IL16: variants seen among roughly 807,000 people sequenced by gnomAD.
The protein encoded by IL16 is interleukin 16, also known as pro-interleukin-16.
Under a neutral mutation model 110.1 loss-of-function variants are expected in IL16, and 67 were observed. That is an observed-to-expected ratio of 0.61 (90% confidence interval 0.50 to 0.75). The LOEUF is 0.75. IL16 is among the 30% of genes least tolerant of loss of function. IL16 has a pLI of 0.00. For missense variants in IL16, 1,545 were observed against 1,655.0 expected (o/e 0.93, Z 1.15); for synonymous variants, 689 against 662.9 (o/e 1.04, Z -0.61).
At chr15:81,185,829 T>C (rs1342956077) in intron 1 of IL16, among the ~76,000 whole-genome samples, 3 of 152,086 alleles carry the variant, frequency 2.0e-5, no homozygotes, top group Admixed American at 6.6e-5. Context: ...GTGTGGGAGT[T>C]ACACTGGGGC....
chr15:81,225,751 G>T (rs780637763), intron 2 of IL16, 40 bp downstream of exon 2: 17 of 1,469,874 alleles, frequency 1.2e-5, no homozygotes, highest in Non-Finnish European at 6.4e-6. Flanking sequence ...GCCTGCAGTT[G>T]GTTTCTGGTG....
intron 1 of IL16, among the ~76,000 whole-genome samples, chr15:81,201,392 TG>T (rs940807676): frequency 2.0e-5 from 3 of 152,058 alleles, no homozygotes; most frequent in African/African-American, 7.2e-5. Flanking sequence ...GCTCTATAGC[TG>T]TTATTTTGCA....
chr15:81,280,726 G>A (rs1419345808), intron 8 of IL16, among the ~76,000 whole-genome samples: 1 of 152,190 alleles, frequency 6.6e-6, no homozygotes, highest in Non-Finnish European at 1.5e-5. Context: ...TAACTCTCCT[G>A]CTAGGTTGAA....
chr15:81,190,463 A>G (rs766966536), intron 1 of IL16, among the ~76,000 whole-genome samples: 3 of 152,202 alleles, frequency 2.0e-5, no homozygotes, highest in Non-Finnish European at 2.9e-5. Flanking sequence ...GTTGTCAGAT[A>G]ATCCTGGGTT....
At chr15:81,296,403 T>C (rs1374173518) in intron 12 of IL16, among the ~76,000 whole-genome samples, 3 of 152,222 alleles carry the variant, frequency 2.0e-5, no homozygotes, top group Non-Finnish European at 2.9e-5. Context: ...AGGGGAGCAA[T>C]GGCACAGGTG....
At chr15:81,258,798 CGCACACACAACATGT>C (rs1485413957) in intron 2 of IL16, among the ~76,000 whole-genome samples, 9 of 151,728 alleles carry the variant, frequency 5.9e-5, no homozygotes, top group Non-Finnish European at 1.2e-4. Flanking sequence ...TGTGCATATA[CGCACACACAACATGT>C]GCACACACAC....
chr15:81,230,291 T>C lies in IL16; in HGVS notation c.312+4580T>C, dbSNP rs144087164. On this transcript the variant is annotated intron_variant, in intron 2 of 18. Coordinates refer to ENST00000683961, the MANE Select transcript of IL16 (RefSeq NM_172217.5). ...ACTGGCTACTCCAGCCCCTGTCTGT[T>C]TGCAAATGGGAAGAGTATTTTTAAA... is the stretch of plus-strand genomic sequence containing the variant. Among the ~76,000 whole-genome samples the C allele has an allele frequency of 2.5e-3, 374 of 152,318 alleles. 1 individual carries two copies. Among genetic ancestry groups the C allele is most frequent in the African/African-American group, 8.3e-3 (343 of 41,570 alleles).
chr15:81,234,249 A>G (rs1255524406), intron 2 of IL16, among the ~76,000 whole-genome samples: 4 of 152,008 alleles, frequency 2.6e-5, no homozygotes, highest in Non-Finnish European at 4.4e-5. Flanking sequence ...CACTATTTAC[A>G]TTTAATATCA....
intron 1 of IL16, among the ~76,000 whole-genome samples, chr15:81,207,125 C>G (rs981575632): frequency 2.0e-5 from 3 of 151,516 alleles, no homozygotes; most frequent in African/African-American, 7.3e-5. Flanking sequence ...GGTCCCAGCT[C>G]CCCTGGGGAG....
chr15:81,230,372 G>A (rs1245072328), intron 2 of IL16, among the ~76,000 whole-genome samples: 2 of 152,174 alleles, frequency 1.3e-5, no homozygotes, highest in Admixed American at 6.5e-5. Context: ...TAGAGGGAAC[G>A]AAAGGTCAAA....
At chr15:81,290,015 CTT>C in intron 10 of IL16, 1 of 383,942 alleles carries the variant, frequency 2.6e-6, no homozygotes, top group Non-Finnish European at 5.1e-6. Context: ...GACTCATACT[CTT>C]AACTATTACT....
intron 5 of IL16, 119 bp from the exon 6 acceptor site, chr15:81,272,971 G>T (rs961659126): frequency 7.4e-6 from 5 of 672,030 alleles, no homozygotes; most frequent in African/African-American, 3.6e-5. Context: ...GAGACCAAAG[G>T]CACCTTCTCT....
At chr15:81,227,776 C>T (rs1252876419) in intron 2 of IL16, among the ~76,000 whole-genome samples, 1 of 150,978 alleles carries the variant, frequency 6.6e-6, no homozygotes, top group Non-Finnish European at 1.5e-5. Flanking sequence ...TAACCCAGGC[C>T]AGAAATGACG....
At chr15:81,284,880 G>C (rs8037906) in intron 9 of IL16, among the ~76,000 whole-genome samples, 3,295 of 152,200 alleles carry the variant, frequency 0.022, 121 homozygotes, top group African/African-American at 0.076. Flanking sequence ...GAATAGTTTC[G>C]ATAAAGACAG....
chr15:81,299,456 C>T lies in IL16; in HGVS notation c.2130C>T (p.Ala710=), dbSNP rs771439822. 8.1e-6 allele frequency: 13 copies of T among 1,614,050 alleles called. No individual in the cohort carries two copies. The highest frequency in any genetic ancestry group is 1.6e-4 in the Middle Eastern group (1 of 6,084). Residue 710 remains alanine, a synonymous_variant, in exon 14 of 19, where the codon GCC becomes GCT. Coordinates refer to ENST00000683961, the MANE Select transcript of IL16 (RefSeq NM_172217.5). Reference sequence around the variant, plus strand: ...TGGACTATAGCTTTGATACCACAGCCGAAGACCCTTGGGTTAGGATTTCTG... The same window carrying T: ...TGGACTATAGCTTTGATACCACAGCTGAAGACCCTTGGGTTAGGATTTCTG... The part of the protein sequence containing the change: ...ARMDYSFDTT[A]EDPWVRISDC...
Position 81,225,642 on chromosome 15 carries a change from G to C in IL16, c.243G>C (p.Ser81=). The C allele has an allele frequency of 6.2e-7, 1 of 1,614,046 alleles. No individual in the cohort carries two copies. ...GTGTTCCTGATCTAGCACTGGCCTCGGAGGCTGCTCAACTCCAAGCAGCTG... is the reference window on the plus strand; with the variant it reads ...GTGTTCCTGATCTAGCACTGGCCTCCGAGGCTGCTCAACTCCAAGCAGCTG... ...PSSVPDLALA[S]EAAQLQAAGN... is the part of the protein sequence containing the mutation. Residue 81 remains serine (S), a synonymous_variant, in exon 2 of 19, where the codon TCG becomes TCC. Transcript: ENST00000683961.
At chr15:81,216,257 C>A (rs1343765217) in intron 1 of IL16, among the ~76,000 whole-genome samples, 1 of 152,204 alleles carries the variant, frequency 6.6e-6, no homozygotes, top group African/African-American at 2.4e-5. Context: ...GGGAGATCCC[C>A]CTCCAGCTCC....
At chr15:81,294,627 G>A (rs958384760) in intron 12 of IL16, among the ~76,000 whole-genome samples, 7 of 152,222 alleles carry the variant, frequency 4.6e-5, no homozygotes, top group East Asian at 1.9e-4. Context: ...CAACAGCACC[G>A]TCTCCTGGAG....
Position 81,275,264 on chromosome 15 carries a change from T to G in IL16, c.790+2060T>G, listed in dbSNP as rs555473923. Among the ~76,000 whole-genome samples the G allele has an allele frequency of 5.3e-5, 8 of 150,256 alleles. No individual in the cohort carries two copies. In the South Asian group the frequency reaches 1.7e-3, roughly 32 times the overall value. ...TCCAGCAGGGAAATGACATCCGTTC[T>G]CTCTCCGTTCAGGGAGTTAGAAGTG... On this transcript the variant is annotated intron_variant, in intron 6 of 18. Transcript: ENST00000683961.
Sources: gnomAD v4.1 joint callset for allele counts (sites outside exome capture counted in the v4.1 genomes callset) on GRCh38, gnomAD v4.1.1 for gene constraint, MANE v1.5 for transcripts, NCBI Gene and HGNC (gene_info 2026-07-23, HGNC 2026-07-21) for gene names.